The following PRCP variants were observed in gnomAD, a reference collection of about 807,000 sequenced individuals.
The protein encoded by PRCP is lysosomal Pro-X carboxypeptidase.
Under a neutral mutation model 54.2 loss-of-function variants are expected in PRCP, and 46 were observed. That is an observed-to-expected ratio of 0.85 (90% CI 0.67 to 1.09). The LOEUF (loss-of-function observed/expected upper bound fraction) is 1.09. Ranked by LOEUF, PRCP falls within the 50% of genes least tolerant of loss-of-function variation. The probability of loss-of-function intolerance (pLI) is 0.00; values close to 1 mark genes in which losing one functional copy is unlikely to be tolerated. For synonymous variants in PRCP, 240 were observed against 212.2 expected, an observed-to-expected ratio of 1.13 and a Z score of -1.14; for missense variants, 613 against 596.8, an observed-to-expected ratio of 1.03 and a Z score of -0.28.
chr11:82,896,738 G>A (rs952429550), intron 1 of PRCP, among the ~76,000 whole-genome samples: 12 of 146,482 alleles, frequency 8.2e-5, no homozygotes, highest in African/African-American at 3.0e-4. Flanking sequence ...AATTCTGCCA[G>A]CAGAATGCCT....
At chr11:82,875,994 AC>A (rs1859595935) in intron 1 of PRCP, among the ~76,000 whole-genome samples, 1 of 152,132 alleles carries the variant, frequency 6.6e-6, no homozygotes, top group South Asian at 2.1e-4. Context: ...TCGCATCATT[AC>A]AAAAAAAAAT....
At chr11:82,840,372 A>C (rs973005580) in intron 6 of PRCP, 3 of 152,162 alleles carry the variant, frequency 2.0e-5, no homozygotes, top group African/African-American at 7.2e-5. Context: ...CCACCACCAG[A>C]AGAAGAACCA....
intron 2 of PRCP, among the ~76,000 whole-genome samples, chr11:82,856,787 G>A (rs1413099375): frequency 2.0e-5 from 3 of 152,130 alleles, no homozygotes; most frequent in African/African-American, 4.8e-5. Flanking sequence ...AGTCGCTCAC[G>A]CCTGTAATCC....
intron 2 of PRCP, 35 bp downstream of exon 2, chr11:82,859,942 A>G: frequency 6.6e-7 from 1 of 1,525,188 alleles, no homozygotes; most frequent in Non-Finnish European, 8.8e-7. Context: ...ATAAAAGTCA[A>G]ATTGAGCACT....
chr11:82,839,264 A>T lies in PRCP; in HGVS notation c.1083T>A (p.Tyr361Ter). 1 of 1,611,620 alleles carries T rather than the reference A, an allele frequency of 6.2e-7. No homozygotes were observed. The highest frequency in any genetic ancestry group is 8.5e-7 in the Non-Finnish European group (1 of 1,179,412). ...TGGGGAAATTATACATATTTACCTG[A>T]TAGCTCCAACCCAGTGTTCCCAGAC... is the stretch of plus-strand genomic sequence containing the variant. The part of the protein sequence containing the change: ...TSSLGTLGWS[Y>*]QACTEVVMPF... The change falls in exon 7 of 9, where the codon TAT becomes TAA. Residue 361 changes from tyrosine (Y) to a stop codon, truncating the protein, a stop_gained. Transcript: ENST00000313010. LOFTEE classifies it high-confidence loss of function.
rs987919885 is a variant in PRCP, at chr11:82,868,243, T to C, written c.169-8126A>G. ...CATTTAAAATCTCATTGAAGATATA[T>C]ATTATTTTACAAGATACATGTTTAT... is the stretch of plus-strand genomic sequence containing the variant. On this transcript the variant is annotated intron_variant, in intron 1 of 8. Coordinates refer to ENST00000313010, the MANE Select transcript of PRCP (RefSeq NM_005040.4). Among the ~76,000 whole-genome samples, 21 of 152,230 alleles carry C rather than the reference T, an allele frequency of 1.4e-4. 1 individual carries two copies. Among genetic ancestry groups the C allele is most frequent in the African/African-American group, 4.8e-4 (20 of 41,460 alleles).
intron 1 of PRCP, among the ~76,000 whole-genome samples, chr11:82,867,234 T>A (rs11822050): frequency 0.027 from 4,045 of 152,272 alleles, 173 homozygotes; most frequent in African/African-American, 0.091. Context: ...AAAAAAATTG[T>A]GCTTAGTAAC....
intron 8 of PRCP, chr11:82,836,756 C>T: frequency 8.8e-6 from 2 of 226,762 alleles, no homozygotes; most frequent in Non-Finnish European, 1.8e-5. Flanking sequence ...CCATGTTTCC[C>T]AGAATGGTCT....
intron 1 of PRCP, among the ~76,000 whole-genome samples, chr11:82,881,812 T>C (rs1859755447): frequency 6.6e-6 from 1 of 152,036 alleles, no homozygotes; most frequent in Non-Finnish European, 1.5e-5. Flanking sequence ...AACTGACCCT[T>C]GAACAACAGG....
At chr11:82,851,851 C>G (rs141474382) in intron 3 of PRCP, among the ~76,000 whole-genome samples, 479 of 152,236 alleles carry the variant, frequency 3.1e-3, no homozygotes, top group Non-Finnish European at 4.8e-3. Context: ...AGCTTTCCCC[C>G]CTCTTCCAAG....
At chr11:82,831,391 C>T (rs1433052789) in intron 8 of PRCP, 2 of 152,192 alleles carry the variant, frequency 1.3e-5, no homozygotes, top group Non-Finnish European at 2.9e-5. Flanking sequence ...GGGCACGGGA[C>T]TCCACAGTCA....
intron 6 of PRCP, among the ~76,000 whole-genome samples, chr11:82,848,395 A>C (rs1858861135): frequency 6.6e-6 from 1 of 152,240 alleles, no homozygotes; most frequent in Non-Finnish European, 1.5e-5. Flanking sequence ...TTAGATCCTC[A>C]GCACAACCCT....
intron 2 of PRCP, among the ~76,000 whole-genome samples, 174 bp downstream of exon 2, chr11:82,859,803 T>C (rs1859166614): frequency 6.6e-6 from 1 of 152,206 alleles, no homozygotes; most frequent in South Asian, 2.1e-4. Flanking sequence ...GAACTTCCTA[T>C]TCATGTGCTT....
chr11:82,825,740 A>G (rs1858214825), intron 8 of PRCP: 1 of 152,298 alleles, frequency 6.6e-6, no homozygotes, highest in Non-Finnish European at 1.5e-5. Context: ...AAATGTCACC[A>G]GGATCTGGAA....
chr11:82,825,079 C>T lies in PRCP; in HGVS notation c.1318G>A (p.Asp440Asn). The T allele has an allele frequency of 6.2e-7, 1 of 1,613,946 alleles. No homozygotes were observed. Among genetic ancestry groups the T allele is most frequent in the Non-Finnish European group, 8.5e-7 (1 of 1,179,966 alleles). The change falls in exon 9 of 9, where the codon GAT becomes AAT. Residue 440 changes from aspartate to asparagine, a missense_variant. Coordinates refer to ENST00000313010, the MANE Select transcript of PRCP (RefSeq NM_005040.4). ...DPWSGGGVTK[D>N]ITDTLVAVTI... ...ACTGCAACCAGAGTGTCTGTGATAT[C>T]CTTAGTTACTCCACCTCCTGACCAG... is the stretch of plus-strand genomic sequence containing the variant.
chr11:82,867,745 C>G (rs147097318), intron 1 of PRCP, among the ~76,000 whole-genome samples: 11 of 152,174 alleles, frequency 7.2e-5, no homozygotes, highest in African/African-American at 2.6e-4. Context: ...CTCTAAGAGA[C>G]GGGGTCTCCC....
intron 1 of PRCP, among the ~76,000 whole-genome samples, chr11:82,871,658 G>A (rs531067241): frequency 1.3e-5 from 2 of 152,280 alleles, no homozygotes; most frequent in African/African-American, 4.8e-5. Flanking sequence ...TCAGACCTGT[G>A]ATCTATGTAA....
At chr11:82,851,674 A>C (rs1271011115) in intron 3 of PRCP, among the ~76,000 whole-genome samples, 1 of 151,942 alleles carries the variant, frequency 6.6e-6, no homozygotes, top group Non-Finnish European at 1.5e-5. Flanking sequence ...TAAGGTTTGA[A>C]GTACATCTTT....
At chr11:82,881,332 TGAG>T (rs1245551865) in intron 1 of PRCP, among the ~76,000 whole-genome samples, 3 of 152,212 alleles carry the variant, frequency 2.0e-5, no homozygotes, top group Non-Finnish European at 4.4e-5. Context: ...GCTCTCTACT[TGAG>T]GGACAACCAC....
Sources: allele counts gnomAD v4.1 joint callset (sites outside exome capture counted in the v4.1 genomes callset), GRCh38; gene constraint gnomAD v4.1.1; transcripts MANE v1.5; gene names NCBI Gene and HGNC (gene_info 2026-07-23, HGNC 2026-07-21).